PPHLN1: variants seen among roughly 807,000 people sequenced by gnomAD.
PPHLN1 encodes periphilin 1, also known as periphilin-1.
Under a neutral mutation model 51.3 loss-of-function variants are expected in PPHLN1, and 29 were observed. The ratio of observed to expected loss-of-function variants is 0.57; its 90% CI spans 0.42 to 0.77. The LOEUF (loss-of-function observed/expected upper bound fraction) is 0.77. Among genes scored for constraint, PPHLN1 ranks in the 30% least tolerant of loss-of-function variants. PPHLN1 has a pLI of 0.00. For synonymous variants in PPHLN1, 147 were observed against 147.8 expected (o/e 0.99, Z 0.04); for missense variants, 436 against 438.4 (o/e 0.99, Z 0.05).
chr12:42,416,974 G>A (rs1157174136), intron 9 of PPHLN1, among the ~76,000 whole-genome samples: 1 of 152,170 alleles, frequency 6.6e-6, no homozygotes, highest in African/African-American at 2.4e-5. Flanking sequence ...GCTTGTGGAT[G>A]AATTTTGAAT....
At chr12:42,392,966 T>C (rs992254778) in intron 7 of PPHLN1, among the ~76,000 whole-genome samples, 2 of 152,214 alleles carry the variant, frequency 1.3e-5, no homozygotes, top group Non-Finnish European at 2.9e-5. Context: ...TAAAGTCATC[T>C]ACCTAGCAAG....
At chr12:42,428,612 A>AG (rs2081721528) in intron 9 of PPHLN1, among the ~76,000 whole-genome samples, 1 of 152,066 alleles carries the variant, frequency 6.6e-6, no homozygotes, top group Admixed American at 6.6e-5. Flanking sequence ...TTGGAGACTC[A>AG]GGGGAAAAGA....
rs143015385 is a variant in PPHLN1 at position 42,330,779 on chromosome 12, G to A, written c.-21+4550G>A. ...GGCTGGAGTGCAGTGGTGCAATCTT[G>A]GCTCGCTGCAACCTTCGCCTCTCGG... On this transcript the variant is annotated intron_variant, in intron 1 of 9. Coordinates refer to ENST00000358314, the MANE Select transcript of PPHLN1 (RefSeq NM_201439.2). 5.1e-3 allele frequency among the ~76,000 whole-genome samples: 773 copies of A among 152,206 alleles called. 3 individuals are homozygous for A. The highest frequency in any genetic ancestry group is 0.018 in the African/African-American group (738 of 41,534).
intron 4 of PPHLN1, among the ~76,000 whole-genome samples, chr12:42,372,871 T>C (rs2075929451): frequency 6.6e-6 from 1 of 152,210 alleles, no homozygotes; most frequent in Admixed American, 6.5e-5. Context: ...CTCATTTCAT[T>C]AATCTATCAT....
intron 9 of PPHLN1, among the ~76,000 whole-genome samples, chr12:42,436,280 A>G (rs2082474592): frequency 6.9e-6 from 1 of 144,562 alleles, no homozygotes; most frequent in Admixed American, 7.0e-5. Flanking sequence ...GTCTTAAAGC[A>G]CACTTTAGCT....
At chr12:42,391,486 C>T (rs941624671) in intron 7 of PPHLN1, among the ~76,000 whole-genome samples, 9 of 152,092 alleles carry the variant, frequency 5.9e-5, no homozygotes, top group Admixed American at 2.6e-4. Context: ...TCAGGTGATC[C>T]GCCCGCCTCA....
intron 4 of PPHLN1, among the ~76,000 whole-genome samples, chr12:42,372,005 C>T (rs1457004811): frequency 1.3e-5 from 2 of 152,046 alleles, no homozygotes; most frequent in Non-Finnish European, 2.9e-5. Context: ...TTGTACCAGC[C>T]TTCTTAAACA....
At chr12:42,436,754 A>G (rs761766068) in intron 9 of PPHLN1, among the ~76,000 whole-genome samples, 21 of 152,172 alleles carry the variant, frequency 1.4e-4, no homozygotes, top group Non-Finnish European at 1.0e-4. Flanking sequence ...GTATATAAAG[A>G]TTGAATATGG....
chr12:42,432,064 G>A (rs913132258), intron 9 of PPHLN1: 12 of 1,568,018 alleles, frequency 7.7e-6, no homozygotes, highest in Admixed American at 3.3e-5. Context: ...TTGCCACCAC[G>A]TGGTCCACCA....
rs1443953680 is a variant in PPHLN1 at position 42,348,630 on chromosome 12, T to G, written c.73-3255T>G. Among the ~76,000 whole-genome samples, 4 of 152,076 alleles carry G rather than the reference T, an allele frequency of 2.6e-5. No individual in the cohort carries two copies. The East Asian group carries it at 7.7e-4, about 29-fold the overall frequency. On this transcript the variant is annotated intron_variant, in intron 2 of 9. Coordinates refer to ENST00000358314, the MANE Select transcript of PPHLN1 (RefSeq NM_201439.2). ...ATAATAAGCTCTCTATTCATAGAAG[T>G]GTTTAGGCATGCATAGTCACCCCAC...
chr12:42,327,226 C>A (rs1335110472), intron 1 of PPHLN1, among the ~76,000 whole-genome samples: 2 of 152,210 alleles, frequency 1.3e-5, no homozygotes, highest in Non-Finnish European at 2.9e-5. Context: ...CCCCATTTAA[C>A]CCCTCAACAC....
chr12:42,363,846 A>G (rs2074977665), intron 4 of PPHLN1, among the ~76,000 whole-genome samples: 1 of 152,232 alleles, frequency 6.6e-6, no homozygotes, highest in South Asian at 2.1e-4. Flanking sequence ...TCAAAGAAAC[A>G]TGCTATACTC....
At chr12:42,379,868 G>T (rs955882730) in intron 5 of PPHLN1, among the ~76,000 whole-genome samples, 1 of 152,018 alleles carries the variant, frequency 6.6e-6, no homozygotes, top group Admixed American at 6.5e-5. Context: ...GATGTGTTTT[G>T]TATCAGTTGT....
At chr12:42,400,637 A>G (rs979058955) in intron 9 of PPHLN1, among the ~76,000 whole-genome samples, 1 of 152,022 alleles carries the variant, frequency 6.6e-6, no homozygotes, top group Non-Finnish European at 1.5e-5. Context: ...AGCCTCCCAA[A>G]GTGCTGGAAT....
At chr12:42,357,245 ATTT>A (rs3084533) in intron 4 of PPHLN1, among the ~76,000 whole-genome samples, 24,703 of 152,054 alleles carry the variant, frequency 0.16, 2,040 homozygotes, top group Admixed American at 0.2. Flanking sequence ...AAAGATCAAA[ATTT>A]TTTTTATTTT....
At chr12:42,413,361 A>G (rs2139558283) in intron 9 of PPHLN1, among the ~76,000 whole-genome samples, 1 of 152,226 alleles carries the variant, frequency 6.6e-6, no homozygotes, top group South Asian at 2.1e-4. Flanking sequence ...AGCACCATTT[A>G]TGCATAGGGT....
chr12:42,368,964 G>A lies in PPHLN1; in HGVS notation c.300-5899G>A, dbSNP rs115132562. 5.4e-3 allele frequency among the ~76,000 whole-genome samples: 828 copies of A among 152,250 alleles called. 7 individuals carry two copies. The highest frequency in any genetic ancestry group is 0.019 in the African/African-American group (792 of 41,534). ...AATTGTGCTTGAAAACTTTCAGGAC[G>A]TGCGTAATTATTTAGATTGGAGGTT... is the stretch of plus-strand genomic sequence containing the variant. On this transcript the variant is annotated intron_variant, in intron 4 of 9. Transcript: ENST00000358314.
chr12:42,369,894 A>ATG (rs1419096452), intron 4 of PPHLN1, among the ~76,000 whole-genome samples: 2 of 152,150 alleles, frequency 1.3e-5, no homozygotes, highest in Non-Finnish European at 2.9e-5. Flanking sequence ...TTCTTCCTTG[A>ATG]TGATTACAAT....
intron 9 of PPHLN1, among the ~76,000 whole-genome samples, chr12:42,428,437 A>G (rs1163846252): frequency 6.6e-6 from 1 of 152,250 alleles, no homozygotes; most frequent in Non-Finnish European, 1.5e-5. Flanking sequence ...AGCCATAAAA[A>G]GGAACAAATT....
Sources: allele counts gnomAD v4.1 joint callset (sites outside exome capture counted in the v4.1 genomes callset), GRCh38; gene constraint gnomAD v4.1.1; transcripts MANE v1.5; gene names NCBI Gene and HGNC (gene_info 2026-07-23, HGNC 2026-07-21).